Variants in IGSF5 observed in about 807,000 individuals in gnomAD.
IGSF5 encodes immunoglobulin superfamily 5 like.
A neutral mutation model predicts 39.4 loss-of-function variants in IGSF5; 41 were observed. The ratio of observed to expected loss-of-function variants is 1.04; its 90% CI spans 0.81 to 1.35. The LOEUF (loss-of-function observed/expected upper bound fraction) is 1.35, where lower values mean the gene tolerates loss of function less well. IGSF5 is among the 40% of genes most tolerant of loss of function. IGSF5 has a pLI of 0.00. For synonymous variants in IGSF5, 183 were observed against 175.3 expected (o/e 1.04, Z -0.34); for missense variants, 487 against 494.6 (o/e 0.98, Z 0.15).
chr21:39,786,733 A>T (rs2086923327), intron 5 of IGSF5, among the ~76,000 whole-genome samples: 1 of 152,246 alleles, frequency 6.6e-6, no homozygotes, highest in African/African-American at 2.4e-5. Flanking sequence ...GATAGACTGG[A>T]TTAAGAAAAT....
chr21:39,774,639 G>A (rs1486823289), intron 4 of IGSF5, among the ~76,000 whole-genome samples: 1 of 152,190 alleles, frequency 6.6e-6, no homozygotes, highest in African/African-American at 2.4e-5. Flanking sequence ...GAGTGAGGCC[G>A]TCTCACCCTG....
the IGSF5 span, among the ~76,000 whole-genome samples, chr21:39,738,361 G>A: frequency 1.2e-4 from 18 of 152,270 alleles, no homozygotes; most frequent in Non-Finnish European, 2.2e-4. This position sits in a 1 kb window ranked among gnomAD's most constrained non-coding sequence, Gnocchi z 6.4. Context: ...CCCAACAGCC[G>A]CTTGATTCAA....
At chr21:39,754,760 T>C (rs2837156) in intron 2 of IGSF5, among the ~76,000 whole-genome samples, 17,942 of 152,248 alleles carry the variant, frequency 0.12, 1,090 homozygotes, top group Middle Eastern at 0.18. Flanking sequence ...GACTACCCCA[T>C]AGGGATATTC....
At chr21:39,761,112 A>T (rs1279125111) in intron 2 of IGSF5, among the ~76,000 whole-genome samples, 1 of 152,144 alleles carries the variant, frequency 6.6e-6, no homozygotes, top group Non-Finnish European at 1.5e-5. Flanking sequence ...TACACCTACA[A>T]CCATCTGACC....
chr21:39,734,813 G>T, the IGSF5 span, among the ~76,000 whole-genome samples: 5 of 151,944 alleles, frequency 3.3e-5, no homozygotes, highest in East Asian at 1.9e-4. Context: ...GGAAGCAAAG[G>T]TTTCTCATAC....
chr21:39,776,736 G>C (rs371388119), intron 4 of IGSF5, among the ~76,000 whole-genome samples: 3 of 152,158 alleles, frequency 2.0e-5, no homozygotes, highest in African/African-American at 7.2e-5. Flanking sequence ...TGGCACACTC[G>C]TATTTCTGTC....
chr21:39,748,051 C>T (rs948378087), intron 2 of IGSF5, among the ~76,000 whole-genome samples: 2 of 152,026 alleles, frequency 1.3e-5, no homozygotes, highest in Non-Finnish European at 1.5e-5. Flanking sequence ...TCAGATATGG[C>T]CATTTTCTGT....
chr21:39,794,819 C>T (rs1479189120), intron 8 of IGSF5, among the ~76,000 whole-genome samples: 2 of 152,060 alleles, frequency 1.3e-5, no homozygotes, highest in African/African-American at 4.8e-5. Context: ...CCTGTGTGGC[C>T]CCTGATCATT....
chr21:39,731,596 G>A, the IGSF5 span, among the ~76,000 whole-genome samples: 14 of 152,346 alleles, frequency 9.2e-5, no homozygotes, highest in South Asian at 2.1e-4. Context: ...AGAATAGGGT[G>A]CATTGTTGCT....
intron 8 of IGSF5, among the ~76,000 whole-genome samples, chr21:39,795,035 G>A (rs908801046): frequency 7.9e-5 from 12 of 152,230 alleles, no homozygotes; most frequent in South Asian, 2.1e-4. Context: ...GTCAACACAG[G>A]TAGCCAGACA....
intron 3 of IGSF5, among the ~76,000 whole-genome samples, chr21:39,768,976 CCTT>C (rs72232595): frequency 0.04 from 6,155 of 152,058 alleles, 415 homozygotes; most frequent in African/African-American, 0.14. Flanking sequence ...CCTTTTTCAC[CCTT>C]CTTCTCACAA....
the IGSF5 span, among the ~76,000 whole-genome samples, chr21:39,731,475 C>A: frequency 1.4e-3 from 220 of 152,242 alleles, 4 homozygotes; most frequent in Admixed American, 0.011. Flanking sequence ...TGATTTAGAG[C>A]AAAAGGGATA....
At chr21:39,771,755 A>G (rs1036929733) in intron 4 of IGSF5, among the ~76,000 whole-genome samples, 2 of 152,190 alleles carry the variant, frequency 1.3e-5, no homozygotes, top group Admixed American at 6.5e-5. Flanking sequence ...AGATCCCCCT[A>G]AAGAATCTCC....
At chr21:39,718,363 T>C in the IGSF5 span, among the ~76,000 whole-genome samples, 2,227 of 152,294 alleles carry the variant, frequency 0.015, 61 homozygotes, top group African/African-American at 0.051. Flanking sequence ...CTGATTGCTC[T>C]GGTTAGGACT....
At chr21:39,765,480 G>A in intron 2 of IGSF5, 55 bp from the exon 3 acceptor site, 2 of 1,519,964 alleles carry the variant, frequency 1.3e-6, no homozygotes, top group East Asian at 2.3e-5. Context: ...ACAGCACACA[G>A]TTGATTTATG....
At chr21:39,752,392 C>T (rs55690543) in intron 2 of IGSF5, among the ~76,000 whole-genome samples, 34,741 of 152,070 alleles carry the variant, frequency 0.23, 4,695 homozygotes, top group Non-Finnish European at 0.32. Flanking sequence ...ATATATACCG[C>T]ATTTTCTTTA....
intron 2 of IGSF5, among the ~76,000 whole-genome samples, chr21:39,755,664 G>C (rs1053696951): frequency 2.8e-4 from 42 of 152,126 alleles, no homozygotes; most frequent in Non-Finnish European, 4.4e-5. Context: ...TGGGAAGGCT[G>C]TGATTTCATT....
intron 2 of IGSF5, among the ~76,000 whole-genome samples, chr21:39,764,089 C>G (rs1178298047): frequency 1.3e-5 from 2 of 152,100 alleles, no homozygotes; most frequent in African/African-American, 2.4e-5. Flanking sequence ...TTCTTCAGTT[C>G]TGCCTCTCCC....
the IGSF5 span, among the ~76,000 whole-genome samples, chr21:39,721,492 A>C: frequency 6.6e-6 from 1 of 152,188 alleles, no homozygotes; most frequent in Non-Finnish European, 1.5e-5. Context: ...TTCTGCTCTT[A>C]AAGCTGTTCA....
Sources: gnomAD v4.1 joint callset for allele counts (sites outside exome capture counted in the v4.1 genomes callset) on GRCh38, gnomAD v4.1.1 for gene constraint, Gnocchi (gnomAD v3.1) non-coding constraint, MANE v1.5 for transcripts, NCBI Gene and HGNC (gene_info 2026-07-23, HGNC 2026-07-21) for gene names.